The following GPHN variants were observed in gnomAD, a reference collection of about 807,000 sequenced individuals.
GPHN encodes gephyrin.
GPHN carries 17 observed loss-of-function variants against 95.5 expected under a neutral mutation model. The ratio of observed to expected loss-of-function variants is 0.18; its 90% CI spans 0.12 to 0.27. The LOEUF (loss-of-function observed/expected upper bound fraction) is 0.27. Ranked by LOEUF, GPHN falls within the 10% of genes least tolerant of loss-of-function variation. GPHN has a pLI of 1.00. For missense variants in GPHN, 660 were observed against 978.1 expected (o/e 0.67, Z 4.34); for synonymous variants, 320 against 322.5 (o/e 0.99, Z 0.08).
intron 1 of GPHN, among the ~76,000 whole-genome samples, chr14:66,652,087 T>G (rs1235687847): frequency 1.3e-5 from 2 of 152,092 alleles, no homozygotes; most frequent in African/African-American, 4.8e-5. Context: ...AATCCATCTT[T>G]CTTTGCATTC....
chr14:66,723,841 A>T (rs2070978007), intron 2 of GPHN, among the ~76,000 whole-genome samples: 1 of 152,166 alleles, frequency 6.6e-6, no homozygotes, highest in African/African-American at 2.4e-5. Context: ...TAAAATAATT[A>T]GGTTAGTTTT....
the GPHN span, among the ~76,000 whole-genome samples, chr14:67,504,447 C>A: frequency 2.0e-5 from 3 of 152,122 alleles, no homozygotes; most frequent in African/African-American, 7.2e-5. Flanking sequence ...TGTCACTAAC[C>A]TTTTCATTTA....
chr14:67,650,669 G>A, the GPHN span: 1 of 1,563,444 alleles, frequency 6.4e-7, no homozygotes, highest in Non-Finnish European at 8.8e-7. Context: ...CTCACTGAGA[G>A]TAGCAGCAAG....
chr14:67,506,938 C>T, the GPHN span, among the ~76,000 whole-genome samples: 4 of 152,022 alleles, frequency 2.6e-5, no homozygotes, highest in Non-Finnish European at 2.9e-5. Flanking sequence ...GAGCTGAGAT[C>T]GTGCCACTGC....
the GPHN span, among the ~76,000 whole-genome samples, chr14:67,437,252 T>C: frequency 6.7e-6 from 1 of 150,112 alleles, no homozygotes; most frequent in Non-Finnish European, 1.5e-5. Context: ...GAACTTGCAG[T>C]CCATGGTGGG....
At chr14:66,988,650 C>G (rs991801565) in intron 9 of GPHN, among the ~76,000 whole-genome samples, 1 of 151,950 alleles carries the variant, frequency 6.6e-6, no homozygotes, top group African/African-American at 2.4e-5. Flanking sequence ...CTAATATACC[C>G]AAGACAACCA....
At chr14:67,142,339 C>A (rs2080517714) in intron 17 of GPHN, among the ~76,000 whole-genome samples, 1 of 152,200 alleles carries the variant, frequency 6.6e-6, no homozygotes, top group South Asian at 2.1e-4. Context: ...CAACTATTCC[C>A]AATCATCCTG....
At chr14:66,668,196 A>G (rs2153382389) in intron 1 of GPHN, among the ~76,000 whole-genome samples, 1 of 152,354 alleles carries the variant, frequency 6.6e-6, no homozygotes, top group East Asian at 1.9e-4. Context: ...AGTGTAAATT[A>G]GTTCAGCCAT....
chr14:66,510,707 G>A (rs187298073), intron 1 of GPHN, among the ~76,000 whole-genome samples: 1 of 152,296 alleles, frequency 6.6e-6, no homozygotes, highest in Admixed American at 6.5e-5. Flanking sequence ...TTTAAGGGGA[G>A]TTGAAAGTCA....
At chr14:66,869,233 T>A (rs367791823) in intron 4 of GPHN, among the ~76,000 whole-genome samples, 1 of 152,236 alleles carries the variant, frequency 6.6e-6, no homozygotes, top group Admixed American at 6.5e-5. Context: ...TAATGAATAC[T>A]TGTGTTATCT....
At chr14:67,563,554 C>A in the GPHN span, among the ~76,000 whole-genome samples, 1 of 152,098 alleles carries the variant, frequency 6.6e-6, no homozygotes, top group South Asian at 2.1e-4. Flanking sequence ...CCGCCTCAGC[C>A]TCCCAAGTAG....
At chr14:66,516,105 C>T (rs574063381) in intron 1 of GPHN, among the ~76,000 whole-genome samples, 298 of 151,580 alleles carry the variant, frequency 2.0e-3, no homozygotes, top group African/African-American at 6.7e-3. Context: ...CTCCCGGGTT[C>T]AAGTGATTCT....
intron 2 of GPHN, among the ~76,000 whole-genome samples, chr14:66,712,688 A>C (rs1394396786): frequency 6.6e-6 from 1 of 152,178 alleles, no homozygotes; most frequent in South Asian, 2.1e-4. Context: ...ATCAAATGGT[A>C]GTTCTACTTT....
chr14:67,626,590 C>G, the GPHN span, among the ~76,000 whole-genome samples: 1 of 152,138 alleles, frequency 6.6e-6, no homozygotes, highest in South Asian at 2.1e-4. Context: ...TCGGCCTCAG[C>G]CTTCTGAGTA....
At chr14:67,399,942 T>C in the GPHN span, among the ~76,000 whole-genome samples, 8 of 152,330 alleles carry the variant, frequency 5.3e-5, no homozygotes, top group Admixed American at 4.6e-4. Context: ...AGCTTAGGGC[T>C]AGGTTCTAAC....
chr14:66,664,263 A>G (rs1332328071), intron 1 of GPHN, among the ~76,000 whole-genome samples: 1 of 152,202 alleles, frequency 6.6e-6, no homozygotes, highest in Non-Finnish European at 1.5e-5. Context: ...ATACAAAAGA[A>G]CTGAAATCAT....
chr14:67,028,569 C>G (rs920450267), intron 10 of GPHN, among the ~76,000 whole-genome samples: 1 of 151,754 alleles, frequency 6.6e-6, no homozygotes, highest in Non-Finnish European at 1.5e-5. Flanking sequence ...TAACTGGAGC[C>G]GGATTATATT....
intron 4 of GPHN, among the ~76,000 whole-genome samples, chr14:66,872,766 G>T (rs1050472597): frequency 6.6e-6 from 1 of 151,772 alleles, no homozygotes; most frequent in African/African-American, 2.4e-5. Flanking sequence ...ATGGTGGTGC[G>T]CACCTGTAAT....
chr14:66,661,755 A>G (rs756913056), intron 1 of GPHN, among the ~76,000 whole-genome samples: 21 of 139,992 alleles, frequency 1.5e-4, no homozygotes, highest in Admixed American at 2.1e-4. Context: ...TTTTGATTTC[A>G]CCCTGGGACT....
Sources: gnomAD v4.1 joint callset for allele counts (sites outside exome capture counted in the v4.1 genomes callset) on GRCh38, gnomAD v4.1.1 for gene constraint, MANE v1.5 for transcripts, NCBI Gene and HGNC (gene_info 2026-07-23, HGNC 2026-07-21) for gene names.